Variants in GOLM1 observed in about 807,000 individuals in gnomAD.
GOLM1 encodes golgi membrane protein 1.
Under a neutral mutation model 50.5 loss-of-function variants are expected in GOLM1, and 31 were observed. That is an observed-to-expected ratio of 0.61 (90% CI 0.46 to 0.83). The LOEUF (loss-of-function observed/expected upper bound fraction) is 0.83, where lower values mean the gene tolerates loss of function less well. GOLM1 is among the 40% of genes least tolerant of loss of function. The pLI is 0.00. For synonymous variants in GOLM1, 178 were observed against 192.8 expected, an observed-to-expected ratio of 0.92 and a Z score of 0.64; for missense variants, 491 against 501.3, an observed-to-expected ratio of 0.98 and a Z score of 0.20.
intron 1 of GOLM1, among the ~76,000 whole-genome samples, chr9:86,095,526 G>T (rs966155420): frequency 1.3e-5 from 2 of 152,046 alleles, no homozygotes; most frequent in Non-Finnish European, 2.9e-5. Context: ...GGGATTACAG[G>T]CATGAGCCAA....
At chr9:86,028,659 G>A (rs1832864850) in intron 9 of GOLM1, among the ~76,000 whole-genome samples, 2 of 152,012 alleles carry the variant, frequency 1.3e-5, no homozygotes, top group South Asian at 4.1e-4. Context: ...AGAACGCACT[G>A]CAACACACAC....
At chr9:86,056,903 T>A (rs532309454) in intron 3 of GOLM1, among the ~76,000 whole-genome samples, 197 of 151,702 alleles carry the variant, frequency 1.3e-3, no homozygotes, top group African/African-American at 3.4e-3. Flanking sequence ...TGTCCTCAAG[T>A]AATCCTCCTG....
intron 7 of GOLM1, 77 bp downstream of exon 7, chr9:86,036,271 C>T (rs928507569): frequency 2.0e-6 from 3 of 1,478,918 alleles, no homozygotes; most frequent in Non-Finnish European, 1.9e-6. Context: ...CTGACTGCCT[C>T]AGCAGCTCGC....
intron 3 of GOLM1, among the ~76,000 whole-genome samples, chr9:86,052,880 C>A (rs1833806357): frequency 7.5e-6 from 1 of 133,196 alleles, no homozygotes; most frequent in Non-Finnish European, 1.6e-5. Flanking sequence ...GCCAGCCAGG[C>A]CCTCCTTCCT....
intron 3 of GOLM1, among the ~76,000 whole-genome samples, chr9:86,074,772 C>T (rs1445623549): frequency 6.6e-6 from 1 of 152,234 alleles, no homozygotes; most frequent in Admixed American, 6.5e-5. Flanking sequence ...GAAACGTTCA[C>T]TCCTGTGGCT....
chr9:86,039,886 T>G (rs571275701), intron 6 of GOLM1, among the ~76,000 whole-genome samples: 2 of 151,234 alleles, frequency 1.3e-5, no homozygotes, highest in South Asian at 4.2e-4. Flanking sequence ...GAGAATCGCT[T>G]GAACCTGGGA....
At chr9:86,033,628 A>G (rs1188589554) in intron 8 of GOLM1, among the ~76,000 whole-genome samples, 1 of 152,210 alleles carries the variant, frequency 6.6e-6, no homozygotes, top group Non-Finnish European at 1.5e-5. Flanking sequence ...ACAAGGGTGC[A>G]TTCTAGGCAG....
At chr9:86,079,456 T>G in intron 1 of GOLM1, 115 bp from the exon 2 acceptor site, 1 of 770,154 alleles carries the variant, frequency 1.3e-6, no homozygotes, top group Non-Finnish European at 2.0e-6. Context: ...CGTGGGCTGG[T>G]AGCTTCTCCT....
chr9:86,037,526 T>G (rs900431674), intron 6 of GOLM1, among the ~76,000 whole-genome samples: 35 of 152,018 alleles, frequency 2.3e-4, no homozygotes, highest in African/African-American at 8.4e-4. Flanking sequence ...CCAGCAGTGC[T>G]TAGAAGAAAT....
intron 9 of GOLM1, among the ~76,000 whole-genome samples, chr9:86,032,957 C>G (rs1393479665): frequency 6.6e-6 from 1 of 152,206 alleles, no homozygotes; most frequent in East Asian, 1.9e-4. Flanking sequence ...ATCTGGGAGG[C>G]AGACTGATCA....
At position 86,057,269 on chromosome 9, in the gene GOLM1, T is replaced by C. The variant is rs138544465; in HGVS notation, c.310-4678A>G. On this transcript the variant is annotated intron_variant, in intron 3 of 9. Transcript: ENST00000388712. Reference sequence around the variant, plus strand: ...GATTCCTAGAAAAATAAGCTCAATATTTCATAAGTTTTCAAAGCAACAAAT... The same window carrying C: ...GATTCCTAGAAAAATAAGCTCAATACTTCATAAGTTTTCAAAGCAACAAAT... Among the ~76,000 whole-genome samples the C allele has an allele frequency of 2.4e-3, 370 of 152,324 alleles. 2 individuals are homozygous for C. The highest frequency in any genetic ancestry group is 6.7e-3 in the African/African-American group (278 of 41,568).
At chr9:86,099,772 C>G (rs1389608868), upstream of GOLM1, among the ~76,000 whole-genome samples, 2 of 152,046 alleles carry the variant, frequency 1.3e-5, no homozygotes, top group African/African-American at 4.8e-5. Flanking sequence ...TGCCCCTTCC[C>G]CCGGGCCACC....
chr9:86,092,573 G>A (rs1835220252), intron 1 of GOLM1, among the ~76,000 whole-genome samples: 1 of 152,222 alleles, frequency 6.6e-6, no homozygotes, highest in African/African-American at 2.4e-5. Flanking sequence ...GGCCAGGAAG[G>A]TGAGCAGCTG....
chr9:86,058,180 A>C (rs991404213), intron 3 of GOLM1, among the ~76,000 whole-genome samples: 4 of 152,240 alleles, frequency 2.6e-5, no homozygotes, highest in African/African-American at 9.6e-5. Context: ...TATCCAAAAC[A>C]GTGCTATTCA....
intron 1 of GOLM1, among the ~76,000 whole-genome samples, chr9:86,082,557 C>T (rs1834818120): frequency 6.6e-6 from 1 of 151,980 alleles, no homozygotes; most frequent in Non-Finnish European, 1.5e-5. Context: ...CCTCCCACTT[C>T]AGCTTCCCAA....
At chr9:86,061,406 A>T (rs1834156320) in intron 3 of GOLM1, among the ~76,000 whole-genome samples, 1 of 152,196 alleles carries the variant, frequency 6.6e-6, no homozygotes, top group Non-Finnish European at 1.5e-5. Context: ...AAAATTAAGC[A>T]ATTTTCTTTT....
At chr9:86,060,887 AAAAAAAAAAAAAAAAAAAAAAAAAAAAG>A (rs1221644959) in intron 3 of GOLM1, among the ~76,000 whole-genome samples, 2 of 71,200 alleles carry the variant, frequency 2.8e-5, no homozygotes, top group Non-Finnish European at 4.4e-5. Context: ...AAAAAAAAAA[AAAAAAAAAAAAAAAAAAAAAAAAAAAAG>A]AAGAAGAAGA....
rs200190491 is a variant in GOLM1, at chr9:86,079,243, G to A, written c.78C>T (p.Ile26=). 781 of 1,610,344 alleles carry A rather than the reference G, an allele frequency of 4.8e-4. No individual in the cohort carries two copies. The highest frequency in any genetic ancestry group is 6.4e-4 in the Non-Finnish European group (752 of 1,177,414). The part of the protein sequence containing the change: ...LVLAALVACI[I]VLGFNYWIAS... ...CAATCCAGTAGTTGAAGCCCAAGAC[G>A]ATGATGCAGGCCACCAGGGCGGCCA... The change falls in exon 2 of 10, where the codon ATC becomes ATT. Residue 26 remains isoleucine (I), a synonymous_variant. Coordinates refer to ENST00000388712, the MANE Select transcript of GOLM1 (RefSeq NM_016548.4).
At chr9:86,041,127 T>C (rs551842695) in intron 5 of GOLM1, among the ~76,000 whole-genome samples, 2 of 152,156 alleles carry the variant, frequency 1.3e-5, no homozygotes, top group African/African-American at 4.8e-5. Flanking sequence ...TAACATACAA[T>C]CTGTAGAATA....
Sources: gnomAD v4.1 joint callset for allele counts (sites outside exome capture counted in the v4.1 genomes callset) on GRCh38, gnomAD v4.1.1 for gene constraint, MANE v1.5 for transcripts, NCBI Gene and HGNC (gene_info 2026-07-23, HGNC 2026-07-21) for gene names.